Variants in TUSC3 observed in about 807,000 individuals in gnomAD.
TUSC3 encodes the protein dolichyl-diphosphooligosaccharide--protein glycosyltransferase subunit TUSC3.
A neutral mutation model predicts 44.8 loss-of-function variants in TUSC3; 45 were observed. The ratio of observed to expected loss-of-function variants is 1.00; its 90% CI spans 0.79 to 1.29. The LOEUF (loss-of-function observed/expected upper bound fraction) is 1.29. Ranked by LOEUF, TUSC3 falls within the 50% of genes most tolerant of loss-of-function variation. The pLI is 0.00. For missense variants in TUSC3, 519 were observed against 437.9 expected (o/e 1.19, Z -1.65); for synonymous variants, 212 against 152.9 (o/e 1.39, Z -2.85).
chr8:15,533,696 G>A (rs569755326), intron 2 of TUSC3, among the ~76,000 whole-genome samples: 13 of 152,328 alleles, frequency 8.5e-5, no homozygotes, highest in African/African-American at 3.1e-4. Context: ...CTTCTGGCCA[G>A]CTTCAGTCAG....
intron 1 of TUSC3, among the ~76,000 whole-genome samples, chr8:15,460,650 T>A (rs1800333302): frequency 6.6e-6 from 1 of 152,364 alleles, no homozygotes; most frequent in South Asian, 2.1e-4. Flanking sequence ...TCTAGAGTTG[T>A]TATAGCTTCA....
At chr8:15,482,827 G>C (rs532862457) in intron 1 of TUSC3, among the ~76,000 whole-genome samples, 13 of 152,302 alleles carry the variant, frequency 8.5e-5, no homozygotes, top group African/African-American at 3.1e-4. Context: ...AATATTAATT[G>C]CAAGGTCTTT....
chr8:15,811,938 G>C, the TUSC3 span, among the ~76,000 whole-genome samples: 2,357 of 152,224 alleles, frequency 0.015, 64 homozygotes, highest in African/African-American at 0.055. Context: ...ATAAGTATTT[G>C]AAGAACGGAG....
chr8:15,436,565 A>G (rs1313755269), intron 1 of TUSC3, among the ~76,000 whole-genome samples: 2 of 152,232 alleles, frequency 1.3e-5, no homozygotes, highest in Non-Finnish European at 2.9e-5. Context: ...TGAAGTCTTC[A>G]TATAAACCGT....
At chr8:15,487,506 T>G (rs1335067958) in intron 2 of TUSC3, among the ~76,000 whole-genome samples, 1 of 152,206 alleles carries the variant, frequency 6.6e-6, no homozygotes, top group Non-Finnish European at 1.5e-5. Flanking sequence ...AATTTATCCA[T>G]TTGTATTATT....
chr8:15,484,859 T>G (rs2129125061), intron 2 of TUSC3, among the ~76,000 whole-genome samples: 1 of 152,348 alleles, frequency 6.6e-6, no homozygotes, highest in Admixed American at 6.5e-5. Context: ...AATGGAAAAC[T>G]TCATAAGACT....
At chr8:15,451,023 A>C (rs964150538) in intron 1 of TUSC3, among the ~76,000 whole-genome samples, 2 of 152,160 alleles carry the variant, frequency 1.3e-5, no homozygotes, top group African/African-American at 4.8e-5. Flanking sequence ...CCAGAAAGGA[A>C]ACTTCACAAA....
chr8:15,668,103 A>T (rs1453288221), intron 5 of TUSC3, among the ~76,000 whole-genome samples: 1 of 151,738 alleles, frequency 6.6e-6, no homozygotes. Context: ...CACTGCAGTG[A>T]GGTGGAAGGA....
At chr8:15,549,136 A>G (rs937399729) in intron 1 of TUSC3, among the ~76,000 whole-genome samples, 8 of 151,796 alleles carry the variant, frequency 5.3e-5, no homozygotes, top group Non-Finnish European at 7.4e-5. Flanking sequence ...GCTGCATACA[A>G]TGTGTTTTCT....
rs1461113918 is a variant in TUSC3 at position 15,461,258 on chromosome 8, T to C, written n.92-22128T>C. Among the ~76,000 whole-genome samples the C allele has an allele frequency of 3.3e-5, 5 of 151,964 alleles. No homozygotes were observed. The East Asian group carries it at 9.6e-4, about 29-fold the overall frequency. On this transcript the variant is annotated intron_variant and non_coding_transcript_variant, in intron 1 of 5. Transcript: ENST00000503191. ...CTTTCGCCTCCTTGTTTAGGTATATTCCTAAGTGTTTTGTTTGTTTGTTTG... is the reference window on the plus strand; with the variant it reads ...CTTTCGCCTCCTTGTTTAGGTATATCCCTAAGTGTTTTGTTTGTTTGTTTG...
chr8:15,615,702 A>G (rs1804958513), intron 1 of TUSC3, among the ~76,000 whole-genome samples: 2 of 152,334 alleles, frequency 1.3e-5, no homozygotes, highest in South Asian at 2.1e-4. Context: ...TACATATTGT[A>G]TAGTATGTAG....
the TUSC3 span, among the ~76,000 whole-genome samples, chr8:15,772,920 A>T: frequency 7.3e-6 from 1 of 136,504 alleles, no homozygotes; most frequent in Non-Finnish European, 1.6e-5. Context: ...GATGTAGTTG[A>T]TGCAGAAAAA....
intron 1 of TUSC3, among the ~76,000 whole-genome samples, chr8:15,598,667 G>A (rs530673888): frequency 1.3e-5 from 2 of 151,882 alleles, no homozygotes; most frequent in East Asian, 3.9e-4. Context: ...GCCTTTTTCA[G>A]AATGTCATAA....
At chr8:15,513,134 C>A (rs916392986) in intron 2 of TUSC3, among the ~76,000 whole-genome samples, 1 of 151,232 alleles carries the variant, frequency 6.6e-6, no homozygotes, top group African/African-American at 2.4e-5. Context: ...GAAAATAACT[C>A]ACAAATGAGT....
intron 2 of TUSC3, among the ~76,000 whole-genome samples, chr8:15,636,531 C>G (rs575509000): frequency 6.6e-6 from 1 of 152,272 alleles, no homozygotes; most frequent in South Asian, 2.1e-4. Context: ...ATCCAGAAAT[C>G]AAACTGGCGT....
chr8:15,743,550 C>G lies in TUSC3; in HGVS notation c.875C>G (p.Thr292Ser), dbSNP rs765773807. Residue 292 changes from threonine (T) to serine (S), a missense_variant, in exon 8 of 11, where the codon ACC (threonine) becomes AGC (serine). By Grantham distance (58) the Thr-to-Ser change is moderately conservative. Transcript: ENST00000503731. Reference sequence around the variant, plus strand: ...ACAACTACTGCAGATGCCGCTATCACCATGGGGATGGTTCTTCTAAATGAA... The same window carrying G: ...ACAACTACTGCAGATGCCGCTATCAGCATGGGGATGGTTCTTCTAAATGAA... ...HIILVLNAAI[T>S]MGMVLLNEAA... 2.5e-6 allele frequency: 4 copies of G among 1,613,898 alleles called. No individual in the cohort carries two copies. In the Admixed American group the frequency reaches 6.7e-5, roughly 27 times the overall value.
At chr8:15,617,071 A>G (rs1364793161) in intron 1 of TUSC3, among the ~76,000 whole-genome samples, 2 of 150,766 alleles carry the variant, frequency 1.3e-5, no homozygotes, top group Non-Finnish European at 2.9e-5. Flanking sequence ...ATGTACACTA[A>G]TCCACTCACT....
the TUSC3 span, among the ~76,000 whole-genome samples, chr8:15,801,676 T>A: frequency 6.6e-6 from 1 of 151,790 alleles, no homozygotes; most frequent in Non-Finnish European, 1.5e-5. Flanking sequence ...ACCATGAGGG[T>A]TGTGAGAGCT....
chr8:15,737,686 C>T (rs897013761), intron 7 of TUSC3, among the ~76,000 whole-genome samples: 11 of 152,042 alleles, frequency 7.2e-5, no homozygotes, highest in Non-Finnish European at 7.4e-5. Context: ...CAAAGCTAGA[C>T]GGCTACACCC....
Sources: allele counts gnomAD v4.1 joint callset (sites outside exome capture counted in the v4.1 genomes callset), GRCh38; gene constraint gnomAD v4.1.1; transcripts MANE v1.5; gene names NCBI Gene and HGNC (gene_info 2026-07-23, HGNC 2026-07-21).